Variants in PDS5A observed in about 807,000 individuals in gnomAD.
PDS5A encodes the protein PDS5 cohesin associated factor A, also known as sister chromatid cohesion protein PDS5 homolog A.
PDS5A carries 42 observed loss-of-function variants against 167.1 expected under a neutral mutation model. That is an observed-to-expected ratio of 0.25 (90% CI 0.20 to 0.33). PDS5A has a LOEUF of 0.33. Among genes scored for constraint, PDS5A ranks in the 10% least tolerant of loss-of-function variants. The pLI is 1.00. For synonymous variants in PDS5A, 553 were observed against 554.6 expected (o/e 1.00, Z 0.04); for missense variants, 1,033 against 1,605.9 (o/e 0.64, Z 6.10).
chr4:39,915,203 T>C (rs891591290), intron 8 of PDS5A, among the ~76,000 whole-genome samples: 1 of 151,812 alleles, frequency 6.6e-6, no homozygotes, highest in African/African-American at 2.4e-5. Flanking sequence ...CACACCTGGC[T>C]AATTTTTTAT....
intron 2 of PDS5A, among the ~76,000 whole-genome samples, chr4:39,937,286 G>A (rs1726710497): frequency 6.6e-6 from 1 of 151,876 alleles, no homozygotes. Context: ...AAATTCCAAG[G>A]GTTTTTGAGG....
At chr4:39,893,573 A>G (rs1304254917) in intron 16 of PDS5A, among the ~76,000 whole-genome samples, 1 of 152,236 alleles carries the variant, frequency 6.6e-6, no homozygotes, top group Non-Finnish European at 1.5e-5. Flanking sequence ...ATAGAATGAG[A>G]GAAACTAAAT....
intron 2 of PDS5A, among the ~76,000 whole-genome samples, chr4:39,955,702 T>C (rs1728859929): frequency 6.6e-6 from 1 of 151,854 alleles, no homozygotes; most frequent in Admixed American, 6.6e-5. Context: ...GAAGTCTTCC[T>C]GGGGGACGGG....
intron 9 of PDS5A, among the ~76,000 whole-genome samples, chr4:39,911,701 G>A (rs897711656): frequency 9.9e-5 from 15 of 151,772 alleles, no homozygotes; most frequent in Non-Finnish European, 2.1e-4. Context: ...GCGCACTGGC[G>A]GGCGCCTGTA....
At chr4:39,892,414 T>C (rs1722054875) in intron 16 of PDS5A, among the ~76,000 whole-genome samples, 1 of 152,212 alleles carries the variant, frequency 6.6e-6, no homozygotes, top group Admixed American at 6.5e-5. Flanking sequence ...TCCTCTGATA[T>C]CCAGTCAGCC....
intron 3 of PDS5A, 55 bp from the exon 4 acceptor site, chr4:39,926,916 C>T (rs1173941066): frequency 8.6e-6 from 11 of 1,283,360 alleles, no homozygotes; most frequent in Non-Finnish European, 1.1e-5. Context: ...TTTCACAACA[C>T]ACTAATAGTA....
At chr4:39,872,526 G>A (rs965819280) in intron 21 of PDS5A, among the ~76,000 whole-genome samples, 18 of 152,090 alleles carry the variant, frequency 1.2e-4, no homozygotes, top group African/African-American at 4.3e-4. Context: ...TTAGCCAGGC[G>A]TGGTGACAGG....
intron 2 of PDS5A, among the ~76,000 whole-genome samples, chr4:39,936,506 C>A (rs939447899): frequency 6.6e-6 from 1 of 152,120 alleles, no homozygotes; most frequent in Non-Finnish European, 1.5e-5. Flanking sequence ...ACAACCGTGG[C>A]TCATTATAAC....
rs1725617536 is a variant in PDS5A at position 39,928,017 on chromosome 4, C to T, written c.286G>A (p.Asp96Asn). 6.2e-7 allele frequency: 1 copy of T among 1,613,850 alleles called. No individual in the cohort carries two copies. Among genetic ancestry groups the T allele is most frequent in the Middle Eastern group, 1.6e-4 (1 of 6,062 alleles). The change falls in exon 3 of 33, where the codon GAT becomes AAT. Residue 96 changes from aspartate to asparagine, a missense_variant. By Grantham distance (23) the Asp-to-Asn change is conservative (BLOSUM62 1). This residue lies in a region of PDS5A where 388 missense variants were observed against 615.1 expected (regional missense o/e 0.63). Transcript: ENST00000303538. ...VRLLVACCLA[D>N]IFRIYAPEAP... ...TCTGGGGCATAGATACGAAAGATAT[C>T]AGCCAAACAACATGCTACAAGGAGA...
chr4:39,848,342 AAC>A (rs1717822205), intron 28 of PDS5A: 1 of 152,798 alleles, frequency 6.5e-6, no homozygotes, highest in Admixed American at 6.5e-5. Context: ...TTACATGGGA[AAC>A]AGTTTGCTGA....
Position 39,833,212 on chromosome 4 carries a change from A to G in PDS5A, c.4010+4644T>C, listed in dbSNP as rs568230126. On this transcript the variant is annotated intron_variant, in intron 32 of 32. Transcript: ENST00000303538. ...GTCTCAAAAAAAAAAAAAAAAAAAAAAAAAGAAAAAAGTTTGAAGAGAGTC... is the reference window on the plus strand; with the variant it reads ...GTCTCAAAAAAAAAAAAAAAAAAAAGAAAAGAAAAAAGTTTGAAGAGAGTC... Among the ~76,000 whole-genome samples the G allele has an allele frequency of 6.5e-4, 96 of 147,644 alleles. No homozygotes were observed. The South Asian group carries it at 0.02, about 31-fold the overall frequency.
chr4:39,930,246 A>AATT, intron 2 of PDS5A, among the ~76,000 whole-genome samples: 3 of 93,090 alleles, frequency 3.2e-5, no homozygotes, highest in African/African-American at 1.1e-4. Context: ...AAAAAAAAAA[A>AATT]GTTTTTTTGT....
intron 22 of PDS5A, among the ~76,000 whole-genome samples, chr4:39,868,465 A>C (rs1447642535): frequency 2.6e-5 from 4 of 152,202 alleles, no homozygotes; most frequent in Admixed American, 2.0e-4. Context: ...AGTAGCTGGG[A>C]TTACAGATGT....
intron 32 of PDS5A, among the ~76,000 whole-genome samples, chr4:39,834,693 G>A (rs1716229690): frequency 6.6e-6 from 1 of 152,172 alleles, no homozygotes; most frequent in Non-Finnish European, 1.5e-5. Flanking sequence ...TACAAAAAGT[G>A]TCTTGAAGTT....
intron 11 of PDS5A, among the ~76,000 whole-genome samples, chr4:39,904,623 C>T (rs1362486776): frequency 6.6e-6 from 1 of 152,198 alleles, no homozygotes; most frequent in Non-Finnish European, 1.5e-5. Context: ...TGAGCCACCG[C>T]GCCCAGCCTA....
rs113302155 is a variant in PDS5A at position 39,870,757 on chromosome 4, C to T, written c.2437-1295G>A. ...TCAAAACCACAATGAGATATCACTT[C>T]TTATCCACTAGTATGGCTGTTGCTT... On this transcript the variant is annotated intron_variant, in intron 21 of 32. Transcript: ENST00000303538. Among the ~76,000 whole-genome samples the T allele has an allele frequency of 9.7e-3, 1,475 of 152,236 alleles. 23 individuals carry two copies. Among genetic ancestry groups the T allele is most frequent in the African/African-American group, 0.034 (1,411 of 41,528 alleles).
chr4:39,838,548 C>T (rs1314472521), intron 31 of PDS5A, among the ~76,000 whole-genome samples: 1 of 152,090 alleles, frequency 6.6e-6, no homozygotes, highest in Non-Finnish European at 1.5e-5. Context: ...ATAGTGAGAT[C>T]CCATCTCTAC....
intron 3 of PDS5A, 144 bp from the exon 4 acceptor site, chr4:39,927,005 C>T (rs773658700): frequency 1.6e-6 from 1 of 638,728 alleles, no homozygotes; most frequent in Non-Finnish European, 2.2e-6. Context: ...TGGCCTAATC[C>T]ATTATTCAAA....
intron 32 of PDS5A, among the ~76,000 whole-genome samples, chr4:39,833,205 A>AG (rs1716076742): frequency 1.4e-5 from 2 of 148,042 alleles, no homozygotes; most frequent in Non-Finnish European, 3.0e-5. Context: ...AAAAAAAAAA[A>AG]AAAAAAAAAA....
Sources: gnomAD v4.1 joint callset for allele counts (sites outside exome capture counted in the v4.1 genomes callset) on GRCh38, gnomAD v4.1.1 for gene constraint, gnomAD v4.1.1 regional missense constraint, MANE v1.5 for transcripts, NCBI Gene and HGNC (gene_info 2026-07-23, HGNC 2026-07-21) for gene names.